GNAL: variants seen among roughly 807,000 people sequenced by gnomAD.
GNAL encodes the protein guanine nucleotide-binding protein G(olf) subunit alpha.
A neutral mutation model predicts 55.1 loss-of-function variants in GNAL; 18 were observed. The observed-to-expected ratio is 0.33, with a 90% CI of 0.23 to 0.48. The LOEUF is 0.48. GNAL is among the 20% of genes least tolerant of loss of function. The pLI, the probability that GNAL is intolerant of heterozygous loss-of-function variation, is 0.99. For missense variants in GNAL, 412 were observed against 614.1 expected (o/e 0.67, Z 3.48); for synonymous variants, 253 against 237.0 (o/e 1.07, Z -0.62).
At chr18:11,866,488 G>C (rs909169048) in intron 7 of GNAL, among the ~76,000 whole-genome samples, 2 of 150,454 alleles carry the variant, frequency 1.3e-5, no homozygotes, top group East Asian at 3.8e-4. Context: ...TATGCGCTGA[G>C]CAGGGGCTGT....
At chr18:11,861,991 A>ACAC (rs1567898496) in intron 5 of GNAL, among the ~76,000 whole-genome samples, 3 of 55,752 alleles carry the variant, frequency 5.4e-5, no homozygotes, top group Non-Finnish European at 5.1e-5. Context: ...CACACACACA[A>ACAC]CATCTGGATT....
chr18:11,810,475 T>C (rs982747522), intron 4 of GNAL: 1 of 152,268 alleles, frequency 6.6e-6, no homozygotes, highest in Non-Finnish European at 1.5e-5. Flanking sequence ...TGCCCATTGA[T>C]AACACAGAGA....
chr18:11,757,829 G>A (rs1247988397), intron 4 of GNAL, among the ~76,000 whole-genome samples: 1 of 152,074 alleles, frequency 6.6e-6, no homozygotes, highest in Non-Finnish European at 1.5e-5. Flanking sequence ...GCTGACCGGG[G>A]AGTCAAGATG....
At chr18:11,762,993 T>C (rs1018106538) in intron 4 of GNAL, among the ~76,000 whole-genome samples, 24 of 152,380 alleles carry the variant, frequency 1.6e-4, no homozygotes, top group Middle Eastern at 3.4e-3. Flanking sequence ...GAATTTTTAT[T>C]ATTATAGTAA....
At chr18:11,819,960 T>TAA (rs57209043) in intron 4 of GNAL, among the ~76,000 whole-genome samples, 114 of 148,642 alleles carry the variant, frequency 7.7e-4, no homozygotes, top group African/African-American at 2.6e-3. Context: ...GTGGAACTTA[T>TAA]AAAAAAAAAA....
chr18:11,731,350 G>A lies in GNAL; in HGVS notation c.377-21503G>A, dbSNP rs141927052. ...TTTAGTAGAGACGGGGTTTCTCCATGTTGGCCAGGCTGGTTCTCCAACTCC... is the reference window on the plus strand; with the variant it reads ...TTTAGTAGAGACGGGGTTTCTCCATATTGGCCAGGCTGGTTCTCCAACTCC... On this transcript the variant is annotated intron_variant, in intron 1 of 11. Coordinates refer to ENST00000334049, the MANE Select transcript of GNAL (RefSeq NM_182978.4). Among the ~76,000 whole-genome samples the A allele has an allele frequency of 1.1e-4, 17 of 152,306 alleles. No individual in the cohort carries two copies. In the East Asian group the frequency reaches 2.9e-3, roughly 26 times the overall value.
chr18:11,876,846 G>A (rs1002765973), intron 11 of GNAL, among the ~76,000 whole-genome samples, 158 bp downstream of exon 11: 2 of 152,170 alleles, frequency 1.3e-5, no homozygotes, highest in African/African-American at 4.8e-5. Flanking sequence ...TGAGCACACC[G>A]AGGTTCAGAG....
intron 1 of GNAL, among the ~76,000 whole-genome samples, chr18:11,724,432 T>C (rs8083805): frequency 0.013 from 1,976 of 152,320 alleles, 38 homozygotes; most frequent in African/African-American, 0.045. Context: ...TCCCCACTGC[T>C]CTTCAGCAAC....
chr18:11,837,953 A>C (rs1257513319), intron 5 of GNAL, among the ~76,000 whole-genome samples: 1 of 152,170 alleles, frequency 6.6e-6, no homozygotes, highest in Non-Finnish European at 1.5e-5. Context: ...CAGCCTTGGC[A>C]ACATGGTGAA....
chr18:11,842,912 C>A (rs1379663056), intron 5 of GNAL, among the ~76,000 whole-genome samples: 1 of 152,170 alleles, frequency 6.6e-6, no homozygotes, highest in African/African-American at 2.4e-5. Flanking sequence ...TGATTGTTGA[C>A]TGTTTCACTG....
intron 4 of GNAL, among the ~76,000 whole-genome samples, chr18:11,761,091 C>T (rs8090320): frequency 0.28 from 42,185 of 151,782 alleles, 6,063 homozygotes; most frequent in African/African-American, 0.33. Context: ...GGTTGGTGGC[C>T]CCACCTCAGT....
At chr18:11,702,513 A>G (rs575930377) in intron 1 of GNAL, among the ~76,000 whole-genome samples, 30 of 152,346 alleles carry the variant, frequency 2.0e-4, no homozygotes, top group Non-Finnish European at 3.8e-4. Flanking sequence ...ATTGAGAAGG[A>G]CGTCAGTGCT....
intron 10 of GNAL, among the ~76,000 whole-genome samples, chr18:11,874,833 A>AC (rs1180784278): frequency 6.3e-5 from 6 of 95,542 alleles, no homozygotes; most frequent in African/African-American, 2.6e-4. Flanking sequence ...TGCTGCACCC[A>AC]CCCACCCCCC....
At chr18:11,729,397 G>A (rs1158491822) in intron 1 of GNAL, among the ~76,000 whole-genome samples, 1 of 151,950 alleles carries the variant, frequency 6.6e-6, no homozygotes, top group Non-Finnish European at 1.5e-5. Context: ...GAGCTTCCCC[G>A]GCTTCCTCTG....
intron 5 of GNAL, among the ~76,000 whole-genome samples, chr18:11,846,402 T>G (rs2035735865): frequency 6.7e-6 from 1 of 148,238 alleles, no homozygotes; most frequent in Admixed American, 6.8e-5. Context: ...CGACATCATT[T>G]TTTTATATAT....
intron 6 of GNAL, among the ~76,000 whole-genome samples, chr18:11,862,874 T>G (rs1172296921): frequency 8.0e-6 from 1 of 124,334 alleles, no homozygotes; most frequent in Non-Finnish European, 1.7e-5. Flanking sequence ...AAAAAAGCAC[T>G]CCACCATTTT....
intron 1 of GNAL, among the ~76,000 whole-genome samples, chr18:11,737,544 C>T (rs952317611): frequency 6.6e-6 from 1 of 152,190 alleles, no homozygotes; most frequent in Admixed American, 6.5e-5. Context: ...CCCTCCTGCC[C>T]ACTCTCCCCA....
At chr18:11,728,032 G>A (rs1286179138) in intron 1 of GNAL, among the ~76,000 whole-genome samples, 1 of 152,072 alleles carries the variant, frequency 6.6e-6, no homozygotes, top group East Asian at 1.9e-4. Flanking sequence ...TTCGAGACCA[G>A]CCTGGGCAAC....
intron 1 of GNAL, among the ~76,000 whole-genome samples, chr18:11,724,318 T>C (rs184298251): frequency 2.0e-5 from 3 of 152,298 alleles, no homozygotes; most frequent in Admixed American, 1.3e-4. Flanking sequence ...TAGTATAATA[T>C]GTATTCACTT....
Sources: allele counts gnomAD v4.1 joint callset (sites outside exome capture counted in the v4.1 genomes callset), GRCh38; gene constraint gnomAD v4.1.1; transcripts MANE v1.5; gene names NCBI Gene and HGNC (gene_info 2026-07-23, HGNC 2026-07-21).